Variants in FBXL7 observed in about 807,000 individuals in gnomAD.
FBXL7 encodes F-box/LRR-repeat protein 7.
Under a neutral mutation model 38.3 loss-of-function variants are expected in FBXL7, and 12 were observed. The ratio of observed to expected loss-of-function variants is 0.31; its 90% CI spans 0.20 to 0.51. FBXL7 has a LOEUF of 0.51. Ranked by LOEUF, FBXL7 falls within the 20% of genes least tolerant of loss-of-function variation. The pLI, the probability that FBXL7 is intolerant of heterozygous loss-of-function variation, is 0.98. For missense variants in FBXL7, 567 were observed against 676.4 expected, an observed-to-expected ratio of 0.84 and a Z score of 1.79; for synonymous variants, 297 against 300.9, an observed-to-expected ratio of 0.99 and a Z score of 0.13.
Position 15,800,990 on chromosome 5 carries a change from G to A in FBXL7, c.128-126900G>A, listed in dbSNP as rs145052402. The stretch of plus-strand genomic sequence containing the variant: ...GAAGTTGTCAAGTCTAAAATCCATA[G>A]GGCAGGATAGCAGTTTGCAAAGTCA... On this transcript the variant is annotated intron_variant, in intron 2 of 3. Transcript: ENST00000504595. 9.2e-5 allele frequency among the ~76,000 whole-genome samples: 14 copies of A among 152,284 alleles called. No homozygotes were observed. The East Asian group carries it at 2.5e-3, about 27-fold the overall frequency.
chr5:15,858,302 CAAAT>C (rs1419048597), intron 2 of FBXL7, among the ~76,000 whole-genome samples: 3 of 151,492 alleles, frequency 2.0e-5, no homozygotes, highest in Admixed American at 2.0e-4. Context: ...TATCATATAA[CAAAT>C]AACCATAAAT....
chr5:15,821,952 T>C (rs1738181210), intron 2 of FBXL7, among the ~76,000 whole-genome samples: 1 of 152,138 alleles, frequency 6.6e-6, no homozygotes, highest in South Asian at 2.1e-4. Context: ...GGAGTGGACA[T>C]GAGAGCCTAA....
intron 2 of FBXL7, among the ~76,000 whole-genome samples, chr5:15,862,215 G>T (rs552394758): frequency 2.6e-5 from 4 of 152,136 alleles, no homozygotes; most frequent in Non-Finnish European, 5.9e-5. Context: ...TGTTCTCGTG[G>T]TAGTGAATAA....
chr5:15,626,489 C>T (rs1740822475), intron 2 of FBXL7, among the ~76,000 whole-genome samples: 1 of 151,788 alleles, frequency 6.6e-6, no homozygotes, highest in Admixed American at 6.6e-5. Flanking sequence ...TTCCAAAATG[C>T]ATCATCCAGA....
At chr5:15,694,923 G>C (rs74691240) in intron 2 of FBXL7, among the ~76,000 whole-genome samples, 1 of 152,140 alleles carries the variant, frequency 6.6e-6, no homozygotes, top group Non-Finnish European at 1.5e-5. Flanking sequence ...GAACAGCTCA[G>C]CAAGGGCCTT....
At chr5:15,849,019 G>A (rs533829568) in intron 2 of FBXL7, among the ~76,000 whole-genome samples, 35 of 152,308 alleles carry the variant, frequency 2.3e-4, no homozygotes, top group African/African-American at 7.9e-4. Flanking sequence ...TGTTCTTAGC[G>A]CTTAATGTAT....
rs561477427 is a variant in FBXL7 at position 15,927,993 on chromosome 5, G to T, written c.231G>T (p.Ser77=). 6.3e-7 allele frequency: 1 copy of T among 1,599,480 alleles called. No individual in the cohort carries two copies. Reference sequence around the variant, plus strand: ...ATGGAAGGGGCTCGTCCACCTCCTCGTCCTCCATCACCGGGGAGACGGTGG... The same window carrying T: ...ATGGAAGGGGCTCGTCCACCTCCTCTTCCTCCATCACCGGGGAGACGGTGG... ...FQNGRGSSTS[S]SSITGETVAM... The change falls in exon 3 of 4, where the codon TCG becomes TCT. Residue 77 remains serine, a synonymous_variant. Transcript: ENST00000504595.
At chr5:15,505,830 G>A (rs1480577845) in intron 1 of FBXL7, among the ~76,000 whole-genome samples, 1 of 152,142 alleles carries the variant, frequency 6.6e-6, no homozygotes, top group Non-Finnish European at 1.5e-5. Context: ...GGACATTCAA[G>A]TGTCCCCCAC....
At chr5:15,922,422 C>T (rs1346403876) in intron 2 of FBXL7, among the ~76,000 whole-genome samples, 1 of 152,018 alleles carries the variant, frequency 6.6e-6, no homozygotes, top group African/African-American at 2.4e-5. Context: ...TGCATTGTTT[C>T]TTGCCAGGGA....
At chr5:15,597,828 A>G (rs898106264) in intron 1 of FBXL7, among the ~76,000 whole-genome samples, 8 of 152,238 alleles carry the variant, frequency 5.3e-5, no homozygotes, top group African/African-American at 1.9e-4. Flanking sequence ...GAGAAAAGGA[A>G]TAACAGCTAT....
At chr5:15,546,126 C>T (rs532005) in intron 1 of FBXL7, among the ~76,000 whole-genome samples, 12,934 of 152,258 alleles carry the variant, frequency 0.085, 1,682 homozygotes, top group African/African-American at 0.28. Flanking sequence ...TACCCTTTTA[C>T]ACTTTTAAAA....
At chr5:15,580,202 T>C (rs970680052) in intron 1 of FBXL7, among the ~76,000 whole-genome samples, 5 of 152,140 alleles carry the variant, frequency 3.3e-5, no homozygotes, top group Non-Finnish European at 7.4e-5. Context: ...AGCAAGAAGA[T>C]GGGCCTCTGT....
intron 2 of FBXL7, among the ~76,000 whole-genome samples, chr5:15,918,506 T>C (rs1017216946): frequency 6.6e-6 from 1 of 152,230 alleles, no homozygotes; most frequent in African/African-American, 2.4e-5. Flanking sequence ...TTTAGAACAA[T>C]GTGGCTTAAA....
intron 2 of FBXL7, among the ~76,000 whole-genome samples, chr5:15,621,284 TA>T (rs1351226454): frequency 6.6e-6 from 1 of 152,194 alleles, no homozygotes; most frequent in Admixed American, 6.5e-5. Context: ...CCTGACACTG[TA>T]GGGGGGGTTG....
At chr5:15,890,315 A>G (rs1280581469) in intron 2 of FBXL7, among the ~76,000 whole-genome samples, 9 of 152,000 alleles carry the variant, frequency 5.9e-5, no homozygotes, top group Admixed American at 5.2e-4. Flanking sequence ...TCGCAGCACA[A>G]TCTGCTCACT....
At chr5:15,846,334 T>C (rs565650072) in intron 2 of FBXL7, among the ~76,000 whole-genome samples, 8 of 152,228 alleles carry the variant, frequency 5.3e-5, no homozygotes, top group Non-Finnish European at 8.8e-5. Flanking sequence ...CACTATTATA[T>C]ATTTGTTATA....
At chr5:15,730,046 A>T (rs1294708907) in intron 2 of FBXL7, among the ~76,000 whole-genome samples, 1 of 152,182 alleles carries the variant, frequency 6.6e-6, no homozygotes, top group Non-Finnish European at 1.5e-5. Flanking sequence ...ACTGCAAAAC[A>T]TCTAGACCAC....
At position 15,854,225 on chromosome 5, in the gene FBXL7, A is replaced by G. The variant is rs373665777; in HGVS notation, c.128-73665A>G. On this transcript the variant is annotated intron_variant, in intron 2 of 3. Coordinates refer to ENST00000504595, the MANE Select transcript of FBXL7 (RefSeq NM_012304.5). ...TCAGACACATATAGGGCCTCAGCAC[A>G]GTGGGTTCATTTGGACATGCAACAC... 1.2e-4 allele frequency among the ~76,000 whole-genome samples: 18 copies of G among 152,338 alleles called. 1 individual carries two copies. The highest frequency in any genetic ancestry group is 3.4e-4 in the African/African-American group (14 of 41,582).
At chr5:15,836,661 C>T (rs1738599906) in intron 2 of FBXL7, among the ~76,000 whole-genome samples, 1 of 152,044 alleles carries the variant, frequency 6.6e-6, no homozygotes, top group South Asian at 2.1e-4. Flanking sequence ...TGGAAAAGAA[C>T]AGTAACAAGA....
Sources: gnomAD v4.1 joint callset for allele counts (sites outside exome capture counted in the v4.1 genomes callset) on GRCh38, gnomAD v4.1.1 for gene constraint, MANE v1.5 for transcripts, NCBI Gene and HGNC (gene_info 2026-07-23, HGNC 2026-07-21) for gene names.